DACT2: variants seen among roughly 807,000 people sequenced by gnomAD.
DACT2 encodes dishevelled binding antagonist of beta catenin 2.
Under a neutral mutation model 22.2 loss-of-function variants are expected in DACT2, and 20 were observed. That is an observed-to-expected ratio of 0.90 (90% confidence interval 0.63 to 1.31). The LOEUF (loss-of-function observed/expected upper bound fraction) is 1.31. Among genes scored for constraint, DACT2 ranks in the 50% most tolerant of loss-of-function variants. DACT2 has a pLI of 0.00. For synonymous variants in DACT2, 463 were observed against 479.8 expected, an observed-to-expected ratio of 0.96 and a Z score of 0.46; for missense variants, 1,048 against 1,061.4, an observed-to-expected ratio of 0.99 and a Z score of 0.18.
rs1340138203 is a variant in DACT2, at chr6:168,296,235, G to A, written c.659-1531C>T. Among the ~76,000 whole-genome samples the A allele has an allele frequency of 8.4e-5, 12 of 142,672 alleles. 1 individual carries two copies. Among genetic ancestry groups the A allele is most frequent in the African/African-American group, 2.9e-4 (11 of 37,918 alleles). The allele number at this position is 142,672 out of a possible 152,430, so 93.6% of individuals were successfully genotyped here. ...ATGGAGGACAGGCACCCGGAATCAG[G>A]GAAAGAGCAGATCCATCCACAGTGG... On this transcript the variant is annotated intron_variant, in intron 3 of 5. Coordinates refer to the DACT2 transcript ENST00000366796.
At chr6:168,299,079 G>A (rs1300691217) in intron 3 of DACT2, 2 of 152,118 alleles carry the variant, frequency 1.3e-5, no homozygotes, top group African/African-American at 4.8e-5. Context: ...AACCCAAATA[G>A]TTAACATTTT....
chr6:168,308,033 A>C lies in DACT2; in HGVS notation c.1724T>G (p.Leu575Trp). Residue 575 changes from leucine to tryptophan, a missense_variant, in exon 4 of 4, where the codon TTG (leucine) becomes TGG (tryptophan). Leu to Trp is a moderately conservative substitution (Grantham distance 61). Coordinates refer to ENST00000366795, the MANE Select transcript of DACT2 (RefSeq NM_214462.5). ...TLYPMPVLVP[L>W]AVAPQESHRT... ...GTGGCTCTCCTGCGGGGCCACTGCCAAGGGGACGAGGACAGGCATGGGGTA... is the reference window on the plus strand; with the variant it reads ...GTGGCTCTCCTGCGGGGCCACTGCCCAGGGGACGAGGACAGGCATGGGGTA... 6.5e-7 allele frequency: 1 copy of C among 1,549,734 alleles called. No homozygotes were observed. The highest frequency in any genetic ancestry group is 1.4e-5 in the African/African-American group (1 of 73,154).
At chr6:168,306,016 T>A (rs950903263), downstream of DACT2, among the ~76,000 whole-genome samples, 9 of 152,212 alleles carry the variant, frequency 5.9e-5, no homozygotes, top group Admixed American at 2.0e-4. Context: ...TCCACTGTCT[T>A]CACTGTCAGG....
At position 168,307,025 on chromosome 6, in the gene DACT2, C is replaced by CA; in HGVS notation, c.*406dup. 1 of 1,011,386 alleles carries CA rather than the reference C, an allele frequency of 9.9e-7. No homozygotes were observed. The highest frequency in any genetic ancestry group is 1.2e-6 in the Non-Finnish European group (1 of 846,314). 62.7% of individuals were successfully genotyped at this position (1,011,386 alleles called of 1,614,324 possible). ...ATTCAATTTCCAGCTCAGAGTCCTG[C>CA]AACCGCCTCTTTAAAATGCTTTTGG... On this transcript the variant is annotated 3_prime_UTR_variant, in exon 4 of 4. Coordinates refer to ENST00000366795, the MANE Select transcript of DACT2 (RefSeq NM_214462.5). This position sits in a 1 kb window ranked among gnomAD's most constrained non-coding sequence, Gnocchi z 5.3.
downstream of DACT2, among the ~76,000 whole-genome samples, chr6:168,305,648 GT>G (rs1779190553): frequency 6.6e-6 from 1 of 152,188 alleles, no homozygotes; most frequent in Non-Finnish European, 1.5e-5. Context: ...TGCGCCCACA[GT>G]CCTCAGTGAG....
rs1348692362 is a variant in DACT2 at position 168,308,401 on chromosome 6, A to G, written c.1356T>C (p.Ala452=). ...TGATGTTGCCTCGTCCATAGTCCTG[A>G]GCTGAGGGTGTCTGCTGGGCCTTTG... The part of the protein sequence containing the change: ...PSSKAQQTPS[A]QDYGRGNIIS... The change falls in exon 4 of 4, where the codon GCT becomes GCC. Residue 452 remains alanine (A), a synonymous_variant. Transcript: ENST00000366795. 7.1e-6 allele frequency: 11 copies of G among 1,551,582 alleles called. No individual in the cohort carries two copies. The East Asian group carries it at 2.4e-4, about 34-fold the overall frequency.
chr6:168,307,504 C>T lies in DACT2; in HGVS notation c.2253G>A (p.Lys751=), dbSNP rs1200516602. 9.0e-6 allele frequency: 14 copies of T among 1,551,526 alleles called. No homozygotes were observed. The highest frequency in any genetic ancestry group is 1.2e-5 in the Non-Finnish European group (14 of 1,146,986). Reference sequence around the variant, plus strand: ...TCTTCTTCTTCAGGGCCTTGGAGGCCTTAATACGGCACAGCTTGGGCACGG... The same window carrying T: ...TCTTCTTCTTCAGGGCCTTGGAGGCTTTAATACGGCACAGCTTGGGCACGG... The part of the protein sequence containing the change: ...LSPVPKLCRI[K]ASKALKKKIR... Residue 751 remains lysine, a synonymous_variant, in exon 4 of 4, where the codon AAG becomes AAA. Transcript: ENST00000366795. This position sits in a 1 kb window ranked among gnomAD's most constrained non-coding sequence, Gnocchi z 5.3.
intron 1 of DACT2, among the ~76,000 whole-genome samples, chr6:168,313,006 C>T (rs2094456951): frequency 6.6e-6 from 1 of 152,214 alleles, no homozygotes; most frequent in African/African-American, 2.4e-5. Context: ...ACTCAGGGGC[C>T]TCCCAACAAC....
At chr6:168,299,378 C>T (rs1779063194) in intron 3 of DACT2, 1 of 152,214 alleles carries the variant, frequency 6.6e-6, no homozygotes, top group Non-Finnish European at 1.5e-5. Context: ...TCTGTGCTCA[C>T]AGCTGCAAAT....
At chr6:168,309,517 C>A (rs1779341642) in intron 3 of DACT2, among the ~76,000 whole-genome samples, 1 of 68,334 alleles carries the variant, frequency 1.5e-5, no homozygotes, top group East Asian at 1.8e-3. Context: ...CTGATCCTGC[C>A]CGTTGCGGGA....
chr6:168,294,076 G>C, intron 5 of DACT2: 6 of 702,858 alleles, frequency 8.5e-6, no homozygotes, highest in South Asian at 4.4e-5. Context: ...ACAGACCCGC[G>C]ATGGCAGTTG....
chr6:168,294,187 A>G, exon 5 of DACT2: 1 of 702,984 alleles, frequency 1.4e-6, no homozygotes, highest in Non-Finnish European at 2.6e-6. Context: ...CTCTCAAACC[A>G]GAACCTACAC....
At chr6:168,294,567 GTGTGTGTGTGTA>G in intron 4 of DACT2, 3 of 480,816 alleles carry the variant, frequency 6.2e-6, no homozygotes, top group African/African-American at 1.1e-4. Context: ...GTGTATGTGT[GTGTGTGTGTGTA>G]TATATATATA....
At chr6:168,314,914 A>G (rs1779508149) in intron 1 of DACT2, among the ~76,000 whole-genome samples, 1 of 152,180 alleles carries the variant, frequency 6.6e-6, no homozygotes, top group Non-Finnish European at 1.5e-5. Flanking sequence ...TGTGGATAAA[A>G]AGGAGCACTG....
intron 1 of DACT2, among the ~76,000 whole-genome samples, chr6:168,315,305 A>G (rs942010099): frequency 7.2e-5 from 11 of 152,178 alleles, no homozygotes; most frequent in Non-Finnish European, 1.6e-4. Context: ...CCTGAGTTCC[A>G]GGGAGTGGAT....
intron 1 of DACT2, among the ~76,000 whole-genome samples, chr6:168,318,853 A>G (rs915908169): frequency 6.6e-6 from 1 of 152,060 alleles, no homozygotes; most frequent in Non-Finnish European, 1.5e-5. Flanking sequence ...GCTTTCCCCC[A>G]ATACTTTATT....
exon 4 of DACT2, chr6:168,294,686 C>T (rs1778979809): frequency 6.7e-7 from 1 of 1,497,710 alleles, no homozygotes; most frequent in South Asian, 1.3e-5. Context: ...GTCAAGTTCA[C>T]CTGGAGCATT....
At chr6:168,319,003 G>A (rs945453591) in intron 1 of DACT2, among the ~76,000 whole-genome samples, 6 of 152,148 alleles carry the variant, frequency 3.9e-5, no homozygotes, top group African/African-American at 1.2e-4. Flanking sequence ...CCAGGATCCC[G>A]AGCCGACCTC....
Position 168,293,916 on chromosome 6 carries a change from G to T in DACT2, c.821C>A (p.Ser274Ter). The change falls in exon 6 of 6, where the codon TCA (serine) becomes TAA (stop). Residue 274 changes from serine (S) to a stop codon, truncating the protein, a stop_gained. Transcript: ENST00000366796. LOFTEE classifies it high-confidence loss of function. ...CTGTCATTGCTGTCTTGAAATTCCT[G>T]ATGATTTTGTCTTTGAACTTGTGTT... The T allele has an allele frequency of 2.8e-6, 2 of 703,442 alleles. No homozygotes were observed. The highest frequency in any genetic ancestry group is 5.2e-6 in the Non-Finnish European group (2 of 385,108). The allele number at this position is 703,442 out of a possible 1,614,324, so 43.6% of individuals were successfully genotyped here. A position where few individuals can be genotyped will look rare whatever the true frequency, so the allele number is the denominator to read the frequency against.
Sources: allele counts gnomAD v4.1 joint callset (sites outside exome capture counted in the v4.1 genomes callset), GRCh38; gene constraint gnomAD v4.1.1; non-coding constraint Gnocchi (gnomAD v3.1); transcripts MANE v1.5; gene names NCBI Gene and HGNC (gene_info 2026-07-23, HGNC 2026-07-21).